The following PNPLA8 variants were observed in gnomAD, a reference collection of about 807,000 sequenced individuals.
PNPLA8 encodes calcium-independent phospholipase A2-gamma.
Under a neutral mutation model 76.9 loss-of-function variants are expected in PNPLA8, and 39 were observed. The ratio of observed to expected loss-of-function variants is 0.51; its 90% confidence interval spans 0.39 to 0.66. The LOEUF is 0.66. Among genes scored for constraint, PNPLA8 ranks in the 30% least tolerant of loss-of-function variants. The pLI, the probability that PNPLA8 is intolerant of heterozygous loss-of-function variation, is 0.00. For synonymous variants in PNPLA8, 301 were observed against 307.9 expected, an observed-to-expected ratio of 0.98 and a Z score of 0.24; for missense variants, 887 against 918.0, an observed-to-expected ratio of 0.97 and a Z score of 0.44.
intron 1 of PNPLA8, among the ~76,000 whole-genome samples, chr7:108,523,566 C>G (rs1863888789): frequency 6.6e-6 from 1 of 152,162 alleles, no homozygotes. Context: ...TCATGACCTA[C>G]GTGGCTAATA....
At chr7:108,475,560 C>T (rs1859928904) in intron 10 of PNPLA8, among the ~76,000 whole-genome samples, 1 of 152,054 alleles carries the variant, frequency 6.6e-6, no homozygotes, top group Non-Finnish European at 1.5e-5. Flanking sequence ...GAACACAGTA[C>T]ATGTATTGAT....
intron 9 of PNPLA8, among the ~76,000 whole-genome samples, chr7:108,484,662 C>A (rs1428260574): frequency 6.6e-6 from 1 of 152,172 alleles, no homozygotes; most frequent in African/African-American, 2.4e-5. Flanking sequence ...CAGATGACAA[C>A]TTCTTTGTTA....
rs759526646 is a variant in PNPLA8, at chr7:108,515,285, C to T, written c.207G>A (p.Lys69=). Residue 69 remains lysine (K), a synonymous_variant, in exon 3 of 11, where the codon AAG becomes AAA. Coordinates refer to ENST00000257694, the MANE Select transcript of PNPLA8 (RefSeq NM_001256007.3). ...WTKSEAHSCS[K]HCYSPSNHGL... ...CATGGTTGCTTGGAGAGTAACAGTG[C>T]TTACTGCAAGAATGTGCTTCACTTT... 3 of 1,609,422 alleles carry T rather than the reference C, an allele frequency of 1.9e-6. No individual in the cohort carries two copies. The highest frequency in any genetic ancestry group is 2.5e-6 in the Non-Finnish European group (3 of 1,177,908).
intron 4 of PNPLA8, among the ~76,000 whole-genome samples, chr7:108,504,077 C>A (rs117031259): frequency 0.011 from 1,643 of 152,228 alleles, 29 homozygotes; most frequent in Admixed American, 0.043. Context: ...AAAATCAGGG[C>A]AAACTAGAGG....
At chr7:108,527,289 CAAG>C (rs973525372), upstream of PNPLA8, among the ~76,000 whole-genome samples, 4 of 152,118 alleles carry the variant, frequency 2.6e-5, no homozygotes, top group East Asian at 5.8e-4. Flanking sequence ...TTTTTTAAAT[CAAG>C]GAGGGAAAGC....
At position 108,472,600 on chromosome 7, in the gene PNPLA8, A is replaced by G. The variant is rs1264124212; in HGVS notation, c.2150T>C (p.Ile717Thr). The change falls in exon 11 of 11, where the codon ATA becomes ACA. Residue 717 changes from isoleucine to threonine, a missense_variant. Physicochemically the swap from Ile to Thr is moderately conservative, Grantham distance 89. Coordinates refer to ENST00000257694, the MANE Select transcript of PNPLA8 (RefSeq NM_001256007.3). ...TTCATTTCGACTTTCATCTAGAGGTATGTTTTCACACATTACAGGATTGAA... is the reference window on the plus strand; with the variant it reads ...TTCATTTCGACTTTCATCTAGAGGTGTGTTTTCACACATTACAGGATTGAA... ...FRFNPVMCEN[I>T]PLDESRNEKL... 1 of 1,612,772 alleles carries G rather than the reference A, an allele frequency of 6.2e-7. No individual in the cohort carries two copies.
At position 108,497,500 on chromosome 7, in the gene PNPLA8, A is replaced by C. The variant is rs760094418; in HGVS notation, c.1436T>G (p.Ile479Ser). ...ATAATTACCTGTGCTTACACCACAAATGTAATCAAAGAGCTGATGAACTGG... is the reference window on the plus strand; with the variant it reads ...ATAATTACCTGTGCTTACACCACAACTGTAATCAAAGAGCTGATGAACTGG... ...QKPVHQLFDY[I>S]CGVSTGAILA... Residue 479 changes from isoleucine (I) to serine (S), a missense_variant, in exon 6 of 11, where the codon ATT becomes AGT. Coordinates refer to ENST00000257694, the MANE Select transcript of PNPLA8 (RefSeq NM_001256007.3). 46 of 1,607,908 alleles carry C rather than the reference A, an allele frequency of 2.9e-5. No individual in the cohort carries two copies. Among genetic ancestry groups the C allele is most frequent in the Non-Finnish European group, 3.1e-5 (37 of 1,175,264 alleles).
At chr7:108,502,855 C>G in intron 4 of PNPLA8, 1 of 355,110 alleles carries the variant, frequency 2.8e-6, no homozygotes, top group Non-Finnish European at 5.0e-6. Flanking sequence ...CAAAAATTAA[C>G]CAATATTCAA....
intron 4 of PNPLA8, among the ~76,000 whole-genome samples, chr7:108,506,255 G>A (rs1563969916): frequency 6.6e-6 from 1 of 152,090 alleles, no homozygotes; most frequent in Non-Finnish European, 1.5e-5. Flanking sequence ...GTGCGCACCT[G>A]TAATCCCAGC....
chr7:108,502,710 A>T, intron 4 of PNPLA8, 68 bp from the exon 5 acceptor site: 1 of 1,143,676 alleles, frequency 8.7e-7, no homozygotes, highest in Non-Finnish European at 1.3e-6. Flanking sequence ...GATTATTATT[A>T]ACCAATACAT....
At position 108,487,886 on chromosome 7, in the gene PNPLA8, C is replaced by T. The variant is rs775434465; in HGVS notation, c.1751G>A (p.Gly584Asp). 1 of 1,613,330 alleles carries T rather than the reference C, an allele frequency of 6.2e-7. No individual in the cohort carries two copies. The highest frequency in any genetic ancestry group is 1.1e-5 in the South Asian group (1 of 91,046). ...TPKAFVFRNY[G>D]HFPGINSHYL... Reference sequence around the variant, plus strand: ...ATGAGAGTTGATTCCAGGAAAATGACCATAGTTTCTGAACACAAAAGCTTT... The same window carrying T: ...ATGAGAGTTGATTCCAGGAAAATGATCATAGTTTCTGAACACAAAAGCTTT... Residue 584 changes from glycine to aspartate, a missense_variant, in exon 9 of 11, where the codon GGT (glycine) becomes GAT (aspartate). By Grantham distance (94) the Gly-to-Asp change is moderately conservative. Coordinates refer to ENST00000257694, the MANE Select transcript of PNPLA8 (RefSeq NM_001256007.3).
chr7:108,526,988 T>A (rs769270803), upstream of PNPLA8, among the ~76,000 whole-genome samples: 5 of 152,262 alleles, frequency 3.3e-5, no homozygotes, highest in Non-Finnish European at 7.3e-5. Context: ...CTATACATGC[T>A]GTTAATTAAA....
rs192020941 is a variant in PNPLA8 at position 108,484,640 on chromosome 7, T to C, written c.1878+3119A>G. On this transcript the variant is annotated intron_variant, in intron 9 of 10. Transcript: ENST00000257694. Reference sequence around the variant, plus strand: ...TATCCCTAATCAATGACCCATTTTTTATACATCAAGTCAGATGACAACTTC... The same window carrying C: ...TATCCCTAATCAATGACCCATTTTTCATACATCAAGTCAGATGACAACTTC... 2.3e-3 allele frequency among the ~76,000 whole-genome samples: 353 copies of C among 152,300 alleles called. 2 individuals are homozygous for C. Among genetic ancestry groups the C allele is most frequent in the Non-Finnish European group, 4.0e-3 (270 of 68,024 alleles).
At chr7:108,513,174 T>C (rs1050754642) in intron 4 of PNPLA8, among the ~76,000 whole-genome samples, 4 of 152,322 alleles carry the variant, frequency 2.6e-5, no homozygotes, top group Admixed American at 6.5e-5. Context: ...TAAGCCAGTA[T>C]GTAATTCTAT....
rs553509456 is a variant in PNPLA8, at chr7:108,514,883, T to C, written c.609A>G (p.Ser203=). The C allele has an allele frequency of 6.2e-6, 10 of 1,608,128 alleles. No homozygotes were observed. The highest frequency in any genetic ancestry group is 8.5e-6 in the Non-Finnish European group (10 of 1,176,314). The change falls in exon 3 of 11, where the codon TCA becomes TCG. Residue 203 remains serine, a synonymous_variant. Coordinates refer to ENST00000257694, the MANE Select transcript of PNPLA8 (RefSeq NM_001256007.3). The part of the protein sequence containing the change: ...TSSITTKFGD[S]FYFLSNHINS... ...TAATATGATTTGATAAAAAGTAGAA[T>C]GAGTCTCCAAATTTTGTGGTTATAG...
rs1336620324 is a variant in PNPLA8 at position 108,479,168 on chromosome 7, A to G, written c.2074+16T>C. 1.3e-6 allele frequency: 2 copies of G among 1,579,902 alleles called. No individual in the cohort carries two copies. Among genetic ancestry groups the G allele is most frequent in the African/African-American group, 1.3e-5 (1 of 74,224 alleles). Reference sequence around the variant, plus strand: ...GCTAGAAGTTGAAGTATTTTAAAGCAGCAAACAAGACTAACCTTCTGTATC... The same window carrying G: ...GCTAGAAGTTGAAGTATTTTAAAGCGGCAAACAAGACTAACCTTCTGTATC... On this transcript the variant is annotated intron_variant, in intron 10 of 10. Coordinates refer to ENST00000257694, the MANE Select transcript of PNPLA8 (RefSeq NM_001256007.3).
At chr7:108,519,830 A>G (rs1302130465) in intron 2 of PNPLA8, among the ~76,000 whole-genome samples, 1 of 152,106 alleles carries the variant, frequency 6.6e-6, no homozygotes, top group African/African-American at 2.4e-5. Context: ...AGAAGGGAAA[A>G]CAATTTTATT....
intron 4 of PNPLA8, among the ~76,000 whole-genome samples, chr7:108,511,394 G>A (rs149044520): frequency 1.1e-3 from 161 of 152,266 alleles, no homozygotes; most frequent in Middle Eastern, 3.4e-3. Context: ...TGTCATGTGT[G>A]TCTTGATATG....
At chr7:108,502,442 C>CAAAAAAAA (rs369261888) in intron 5 of PNPLA8, 49 bp downstream of exon 5, 15 of 624,212 alleles carry the variant, frequency 2.4e-5, no homozygotes, top group African/African-American at 1.5e-4. Flanking sequence ...AACTCCATCT[C>CAAAAAAAA]AAAAAAAAAA....
Sources: gnomAD v4.1 joint callset for allele counts (sites outside exome capture counted in the v4.1 genomes callset) on GRCh38, gnomAD v4.1.1 for gene constraint, MANE v1.5 for transcripts, NCBI Gene and HGNC (gene_info 2026-07-23, HGNC 2026-07-21) for gene names.